C12orf42: variants seen among roughly 807,000 people sequenced by gnomAD.
The protein encoded by C12orf42 is chromosome 12 open reading frame 42.
Under a neutral mutation model 21.6 loss-of-function variants are expected in C12orf42, and 25 were observed. The ratio of observed to expected loss-of-function variants is 1.16; its 90% CI spans 0.84 to 1.62. The LOEUF (loss-of-function observed/expected upper bound fraction) is 1.62, where lower values mean the gene tolerates loss of function less well. C12orf42 is among the 40% of genes most tolerant of loss of function. The pLI, the probability that C12orf42 is intolerant of heterozygous loss-of-function variation, is 0.00. For missense variants in C12orf42, 483 were observed against 459.3 expected (o/e 1.05, Z -0.47); for synonymous variants, 174 against 175.0 (o/e 0.99, Z 0.05).
chr12:103,124,043 A>C, the C12orf42 span, among the ~76,000 whole-genome samples: 1 of 151,240 alleles, frequency 6.6e-6, no homozygotes, highest in East Asian at 1.9e-4. Context: ...TGAAACTCTT[A>C]CCCTGTGGTC....
chr12:103,392,333 A>G (rs1292432108), intron 3 of C12orf42, among the ~76,000 whole-genome samples: 1 of 152,084 alleles, frequency 6.6e-6, no homozygotes, highest in Admixed American at 6.6e-5. Flanking sequence ...GGATTTTAGG[A>G]TATGTTTTTC....
At chr12:103,519,462 G>A in the C12orf42 span, among the ~76,000 whole-genome samples, 7 of 151,910 alleles carry the variant, frequency 4.6e-5, no homozygotes, top group Non-Finnish European at 8.8e-5. Flanking sequence ...TGGAATCTTG[G>A]TTCAGCACCT....
chr12:103,293,369 T>C (rs77030035), intron 4 of C12orf42, among the ~76,000 whole-genome samples: 218 of 152,188 alleles, frequency 1.4e-3, no homozygotes, highest in African/African-American at 5.0e-3. Context: ...ATGTTTATAA[T>C]GTTGTATTCT....
At chr12:103,493,186 A>G (rs149457106) in intron 1 of C12orf42, among the ~76,000 whole-genome samples, 7 of 152,320 alleles carry the variant, frequency 4.6e-5, no homozygotes, top group African/African-American at 1.7e-4. Context: ...AAAATCCTTC[A>G]GTAGCTTCCT....
At chr12:103,229,881 C>T in the C12orf42 span, among the ~76,000 whole-genome samples, 109 of 152,294 alleles carry the variant, frequency 7.2e-4, no homozygotes, top group South Asian at 2.3e-3. Flanking sequence ...TTAGCTACAA[C>T]CGAATCCTGT....
In C12orf42 at chr12:103,337,035, T is replaced by G. The variant is rs114337058; in HGVS notation, c.260-30690A>C. Among the ~76,000 whole-genome samples, 398 of 152,326 alleles carry G rather than the reference T, an allele frequency of 2.6e-3. 1 individual carries two copies. Among genetic ancestry groups the G allele is most frequent in the African/African-American group, 8.9e-3 (369 of 41,574 alleles). ...AGGAAACTGCACTTAAGGGAAATACTTCTGCTGCCTAACCAAAAAATGTCA... is the reference window on the plus strand; with the variant it reads ...AGGAAACTGCACTTAAGGGAAATACGTCTGCTGCCTAACCAAAAAATGTCA... On this transcript the variant is annotated intron_variant, in intron 4 of 5. Coordinates refer to ENST00000548883, the MANE Select transcript of C12orf42 (RefSeq NM_198521.5).
intron 4 of C12orf42, among the ~76,000 whole-genome samples, chr12:103,325,259 T>C (rs1209562880): frequency 2.0e-5 from 3 of 152,208 alleles, no homozygotes; most frequent in Non-Finnish European, 4.4e-5. Context: ...GACTCTCTTT[T>C]TGAACGACGT....
chr12:103,526,009 G>C, the C12orf42 span, among the ~76,000 whole-genome samples: 1 of 152,182 alleles, frequency 6.6e-6, no homozygotes, highest in African/African-American at 2.4e-5. Flanking sequence ...CTGGGCAAAA[G>C]AGTGAAGTTC....
the C12orf42 span, among the ~76,000 whole-genome samples, chr12:103,536,912 T>G: frequency 2.0e-5 from 3 of 152,212 alleles, no homozygotes; most frequent in South Asian, 6.2e-4. Flanking sequence ...TAGTGTTTAT[T>G]ACTGTCTAAC....
At chr12:103,541,120 T>A in the C12orf42 span, among the ~76,000 whole-genome samples, 1 of 152,238 alleles carries the variant, frequency 6.6e-6, no homozygotes, top group East Asian at 1.9e-4. Flanking sequence ...CCCAGGCTGG[T>A]CTCAAACTCC....
intron 2 of C12orf42, among the ~76,000 whole-genome samples, chr12:103,443,614 T>G (rs904300144): frequency 6.6e-6 from 1 of 152,098 alleles, no homozygotes; most frequent in African/African-American, 2.4e-5. Flanking sequence ...TAGCAATAAT[T>G]CAAAAAATTA....
At chr12:103,074,818 G>T in the C12orf42 span, among the ~76,000 whole-genome samples, 1 of 152,160 alleles carries the variant, frequency 6.6e-6, no homozygotes, top group Admixed American at 6.6e-5. Context: ...GGACATAATG[G>T]CTCACGCCTC....
intron 4 of C12orf42, among the ~76,000 whole-genome samples, chr12:103,361,428 G>A (rs999233150): frequency 3.9e-5 from 6 of 152,068 alleles, no homozygotes; most frequent in Non-Finnish European, 2.9e-5. Context: ...AGGGTTCCTT[G>A]GGGAGGGCTG....
downstream of C12orf42, among the ~76,000 whole-genome samples, chr12:103,266,479 T>G (rs2136239693): frequency 6.6e-6 from 1 of 152,258 alleles, no homozygotes; most frequent in Non-Finnish European, 1.5e-5. Flanking sequence ...ACAGTTAAAG[T>G]AGCTATATTT....
chr12:103,348,172 C>G (rs4764733), intron 4 of C12orf42, among the ~76,000 whole-genome samples: 50,071 of 152,096 alleles, frequency 0.33, 8,793 homozygotes, highest in African/African-American at 0.45. Flanking sequence ...TTGAACCATG[C>G]TGGAATGTAT....
chr12:103,271,024 T>C (rs1283382864), intron 5 of C12orf42, among the ~76,000 whole-genome samples: 1 of 152,124 alleles, frequency 6.6e-6, no homozygotes, highest in African/African-American at 2.4e-5. Context: ...ATGATTTGCT[T>C]TGCCAGGGGC....
Position 103,447,752 on chromosome 12 carries a change from C to A in C12orf42, c.78+30597G>T, listed in dbSNP as rs1592853598. On this transcript the variant is annotated intron_variant, in intron 2 of 5. Transcript: ENST00000548883. ...ATACCTAATCAAGGAGGTGAAAGAC[C>A]TGTATAAGGAAAACTACAAAACGCT... Among the ~76,000 whole-genome samples the A allele has an allele frequency of 2.6e-5, 4 of 151,946 alleles. No homozygotes were observed. The South Asian group carries it at 8.3e-4, about 32-fold the overall frequency.
the C12orf42 span, among the ~76,000 whole-genome samples, chr12:103,055,385 T>A: frequency 6.6e-6 from 1 of 151,924 alleles, no homozygotes; most frequent in Non-Finnish European, 1.5e-5. Flanking sequence ...CCTTTTGATG[T>A]CTGAAGGGTC....
At chr12:103,296,887 G>T (rs960714320) in intron 4 of C12orf42, among the ~76,000 whole-genome samples, 1 of 152,088 alleles carries the variant, frequency 6.6e-6, no homozygotes, top group Non-Finnish European at 1.5e-5. Context: ...GTCAATTTTG[G>T]CTTTTGTTGC....
Sources: allele counts gnomAD v4.1 joint callset (sites outside exome capture counted in the v4.1 genomes callset), GRCh38; gene constraint gnomAD v4.1.1; transcripts MANE v1.5; gene names NCBI Gene and HGNC (gene_info 2026-07-23, HGNC 2026-07-21).